SLC36A4: variants seen among roughly 807,000 people sequenced by gnomAD.
SLC36A4 encodes solute carrier family 36 member 4, also known as neutral amino acid uniporter 4.
Under a neutral mutation model 50.5 loss-of-function variants are expected in SLC36A4, and 49 were observed. The ratio of observed to expected loss-of-function variants is 0.97; its 90% CI spans 0.77 to 1.23. The LOEUF (loss-of-function observed/expected upper bound fraction) is 1.23. Ranked by LOEUF, SLC36A4 falls within the 50% of genes most tolerant of loss-of-function variation. The pLI is 0.00. For synonymous variants in SLC36A4, 207 were observed against 206.5 expected, an observed-to-expected ratio of 1.00 and a Z score of -0.02; for missense variants, 611 against 608.4, an observed-to-expected ratio of 1.00 and a Z score of -0.05.
chr11:93,166,030 GA>G lies in SLC36A4; in HGVS notation c.769-15del, dbSNP rs748789926. The G allele has an allele frequency of 1.9e-6, 3 of 1,557,596 alleles. No individual in the cohort carries two copies. The highest frequency in any genetic ancestry group is 4.5e-5 in the East Asian group (2 of 44,546). On this transcript the variant is annotated splice_polypyrimidine_tract_variant and intron_variant, in intron 7 of 10. Transcript: ENST00000326402. Reference sequence around the variant, plus strand: ...ATCTGGCATGTTCTAAAGAAAGGAAGAAAAAAAGAAGACCAGTTACATCTTT... The same window carrying G: ...ATCTGGCATGTTCTAAAGAAAGGAAGAAAAAAGAAGACCAGTTACATCTTT...
At position 93,168,132 on chromosome 11, in the gene SLC36A4, T is replaced by C. The variant is rs1860968338; in HGVS notation, c.580A>G (p.Asn194Asp). The stretch of plus-strand genomic sequence containing the variant: ...CAAGGGTTTGATGAATTGGTACTAT[T>C]TGAAATAAACACTTTACTCTCCAGG... Reference protein sequence around the residue: ...GFLESKVFISNSTNSSNPCER... With the variant: ...GFLESKVFISDSTNSSNPCER... The change falls in exon 7 of 11, where the codon AAT becomes GAT. Residue 194 changes from asparagine (N) to aspartate (D), a missense_variant. Transcript: ENST00000326402. 3.1e-6 allele frequency: 5 copies of C among 1,612,122 alleles called. No homozygotes were observed. Among genetic ancestry groups the C allele is most frequent in the Non-Finnish European group, 4.2e-6 (5 of 1,178,910 alleles).
At chr11:93,170,386 A>C (rs1049046005) in intron 6 of SLC36A4, among the ~76,000 whole-genome samples, 1 of 152,102 alleles carries the variant, frequency 6.6e-6, no homozygotes, top group Non-Finnish European at 1.5e-5. Context: ...GCAGAATTAA[A>C]GTTATAGTAC....
rs967686901 is a variant in SLC36A4 at position 93,146,947 on chromosome 11, C to G, written c.*1590G>C. The stretch of plus-strand genomic sequence containing the variant: ...TATGGATTTTTTCTAAGCATGAATC[C>G]CTTTATGTTATGATTCTTGTATATA... On this transcript the variant is annotated 3_prime_UTR_variant, in exon 11 of 11. Coordinates refer to ENST00000326402, the MANE Select transcript of SLC36A4 (RefSeq NM_152313.4). The G allele has an allele frequency of 1.3e-5, 2 of 151,800 alleles. No individual in the cohort carries two copies. The highest frequency in any genetic ancestry group is 2.9e-5 in the Non-Finnish European group (2 of 67,916). The allele number at this position is 151,800 out of a possible 1,614,324, so 9.4% of individuals were successfully genotyped here.
Position 93,167,998 on chromosome 11 carries a change from A to G in SLC36A4, c.714T>C (p.Leu238=), listed in dbSNP as rs116186359. 2,222 of 1,612,560 alleles carry G rather than the reference A, an allele frequency of 1.4e-3. 23 individuals carry two copies. The African/African-American group carries it at 0.026, about 19-fold the overall frequency. Reference sequence around the variant, plus strand: ...GACTGACAGCCATGGAAACGTTGGCAAGGAATGAAAGTACAAATAGATTCT... The same window carrying G: ...GACTGACAGCCATGGAAACGTTGGCGAGGAATGAAAGTACAAATAGATTCT... ...ELKNLFVLSF[L]ANVSMAVSLV... The change falls in exon 7 of 11, where the codon CTT becomes CTC. Residue 238 remains leucine (L), a synonymous_variant. Coordinates refer to ENST00000326402, the MANE Select transcript of SLC36A4 (RefSeq NM_152313.4).
intron 10 of SLC36A4, 122 bp from the exon 11 acceptor site, chr11:93,148,966 C>T (rs371846273): frequency 9.5e-7 from 1 of 1,048,766 alleles, no homozygotes. Context: ...AGTTGAACTA[C>T]TAAACTATTG....
chr11:93,167,723 C>T (rs1407391342), intron 7 of SLC36A4, among the ~76,000 whole-genome samples: 3 of 152,058 alleles, frequency 2.0e-5, no homozygotes, highest in African/African-American at 4.8e-5. Context: ...CGTTATTTAC[C>T]AAGATTCAAG....
In SLC36A4 at chr11:93,147,222, A is replaced by G. The variant is rs973693688; in HGVS notation, c.*1315T>C. The G allele has an allele frequency of 3.3e-5, 5 of 152,112 alleles. No individual in the cohort carries two copies. Among genetic ancestry groups the G allele is most frequent in the African/African-American group, 7.2e-5 (3 of 41,418 alleles). The allele number at this position is 152,112 out of a possible 1,614,324, so 9.4% of individuals were successfully genotyped here. A position where few individuals can be genotyped will look rare whatever the true frequency, so the allele number is the denominator to read the frequency against. On this transcript the variant is annotated 3_prime_UTR_variant, in exon 11 of 11. Transcript: ENST00000326402. ...CTGGTCTCAAGCTCCTGGCCTCTCA[A>G]GTGATCCTCCCAACTTATCCTCCAG... is the stretch of plus-strand genomic sequence containing the variant.
At chr11:93,152,857 C>T (rs1400171291) in intron 10 of SLC36A4, 1 of 152,050 alleles carries the variant, frequency 6.6e-6, no homozygotes, top group East Asian at 1.9e-4. Context: ...TTTATTTAGT[C>T]ATTACCAAAA....
intron 1 of SLC36A4, among the ~76,000 whole-genome samples, chr11:93,195,261 C>A (rs1279010283): frequency 3.3e-5 from 5 of 151,898 alleles, no homozygotes; most frequent in Non-Finnish European, 7.4e-5. Flanking sequence ...AGAAAAACAT[C>A]AAAGACTCTG....
intron 1 of SLC36A4, among the ~76,000 whole-genome samples, chr11:93,195,599 A>G (rs1316886454): frequency 6.6e-6 from 1 of 152,078 alleles, no homozygotes; most frequent in African/African-American, 2.4e-5. Flanking sequence ...AGATCATGAC[A>G]CTCCTCTGTT....
At chr11:93,160,146 C>G in intron 9 of SLC36A4, 3 of 985,360 alleles carry the variant, frequency 3.0e-6, no homozygotes, top group Non-Finnish European at 3.6e-6. Flanking sequence ...TGTAAAAAGA[C>G]AAGCAACTCT....
At chr11:93,169,083 ATT>A (rs1861014411) in intron 6 of SLC36A4, among the ~76,000 whole-genome samples, 1 of 151,986 alleles carries the variant, frequency 6.6e-6, no homozygotes, top group African/African-American at 2.4e-5. Flanking sequence ...ACACATCAAT[ATT>A]GTCGAGTCTC....
At chr11:93,170,352 TTA>T (rs1861073067) in intron 6 of SLC36A4, 1 of 152,130 alleles carries the variant, frequency 6.6e-6, no homozygotes, top group African/African-American at 2.4e-5. Flanking sequence ...CAACAGCAGA[TTA>T]TGTTCGTCAG....
rs974413954 is a variant in SLC36A4, at chr11:93,145,699, C to G, written c.*2838G>C. On this transcript the variant is annotated 3_prime_UTR_variant, in exon 11 of 11. Coordinates refer to ENST00000326402, the MANE Select transcript of SLC36A4 (RefSeq NM_152313.4). ...AATAGTTCTTCACTGTGGTGGCCAA[C>G]AAAATGCTGAAGTCATTTTAGTCAC... The G allele has an allele frequency of 3.9e-5, 6 of 152,178 alleles. No individual in the cohort carries two copies. The highest frequency in any genetic ancestry group is 7.2e-5 in the African/African-American group (3 of 41,546). The allele number at this position is 152,178 out of a possible 1,614,324, so 9.4% of individuals were successfully genotyped here. A position where few individuals can be genotyped will look rare whatever the true frequency, so the allele number is the denominator to read the frequency against.
At chr11:93,183,324 T>C (rs1861819992) in intron 3 of SLC36A4, among the ~76,000 whole-genome samples, 2 of 152,184 alleles carry the variant, frequency 1.3e-5, no homozygotes, top group South Asian at 2.1e-4. Flanking sequence ...GTACTTACTA[T>C]GTGTCAGAAA....
chr11:93,161,561 T>C (rs1224085066), intron 9 of SLC36A4, among the ~76,000 whole-genome samples: 2 of 152,210 alleles, frequency 1.3e-5, no homozygotes, highest in South Asian at 2.1e-4. Context: ...AGCAACATTT[T>C]TGACTCCAAT....
chr11:93,162,051 T>C (rs1426177769), intron 9 of SLC36A4, among the ~76,000 whole-genome samples: 1 of 151,818 alleles, frequency 6.6e-6, no homozygotes, highest in African/African-American at 2.4e-5. Flanking sequence ...GCAAGGACCA[T>C]AAATGATGTA....
chr11:93,149,702 T>C (rs1040160048), intron 10 of SLC36A4, among the ~76,000 whole-genome samples: 3 of 152,040 alleles, frequency 2.0e-5, no homozygotes, highest in Non-Finnish European at 4.4e-5. Flanking sequence ...ACAGTCAAGA[T>C]TGGAAGACAC....
chr11:93,182,777 A>G (rs1565235072), intron 4 of SLC36A4, 29 bp downstream of exon 4: 2 of 1,515,162 alleles, frequency 1.3e-6, no homozygotes, highest in Non-Finnish European at 1.8e-6. Flanking sequence ...TAGCTTTAAA[A>G]TAAATAGGCT....
Sources: allele counts gnomAD v4.1 joint callset (sites outside exome capture counted in the v4.1 genomes callset), GRCh38; gene constraint gnomAD v4.1.1; transcripts MANE v1.5; gene names NCBI Gene and HGNC (gene_info 2026-07-23, HGNC 2026-07-21).